LRRC8C: variants seen among roughly 807,000 people sequenced by gnomAD.
The protein encoded by LRRC8C is volume-regulated anion channel subunit LRRC8C.
In LRRC8C, 20 loss-of-function variants were observed where a neutral mutation model predicts 55.3. The ratio of observed to expected loss-of-function variants is 0.36; its 90% CI spans 0.25 to 0.53. LRRC8C has a LOEUF of 0.53. Among genes scored for constraint, LRRC8C ranks in the 20% least tolerant of loss-of-function variants. The pLI is 0.92. For synonymous variants in LRRC8C, 376 were observed against 360.7 expected (o/e 1.04, Z -0.48); for missense variants, 659 against 951.4 (o/e 0.69, Z 4.04).
chr1:89,618,270 C>T, the LRRC8C span, among the ~76,000 whole-genome samples: 1 of 152,186 alleles, frequency 6.6e-6, no homozygotes, highest in Non-Finnish European at 1.5e-5. Flanking sequence ...TTAGGGAATG[C>T]AGAGGGTTTT....
At chr1:89,676,681 A>G (rs1229791215) in intron 1 of LRRC8C, among the ~76,000 whole-genome samples, 1 of 152,262 alleles carries the variant, frequency 6.6e-6, no homozygotes, top group Non-Finnish European at 1.5e-5. Flanking sequence ...TTGAAGATAC[A>G]GAGATGAGAT....
intron 1 of LRRC8C, among the ~76,000 whole-genome samples, chr1:89,659,435 C>T (rs1268683566): frequency 6.6e-6 from 1 of 152,048 alleles, no homozygotes; most frequent in East Asian, 1.9e-4. Context: ...AAGATATTGA[C>T]CTTCCTAAGC....
Position 89,714,642 on chromosome 1 carries a change from C to G in LRRC8C, c.2072C>G (p.Ser691Trp). The G allele has an allele frequency of 6.2e-7, 1 of 1,614,110 alleles. No homozygotes were observed. The highest frequency in any genetic ancestry group is 2.2e-5 in the East Asian group (1 of 44,888). Reference sequence around the variant, plus strand: ...AACAAGATCCGATACTTGGACTTATCGTACAATGACATTCGATTTATCCCC... The same window carrying G: ...AACAAGATCCGATACTTGGACTTATGGTACAATGACATTCGATTTATCCCC... ...LCNKIRYLDL[S>W]YNDIRFIPPE... Residue 691 changes from serine to tryptophan, a missense_variant, in exon 3 of 3, where the codon TCG (serine) becomes TGG (tryptophan). Coordinates refer to ENST00000370454, the MANE Select transcript of LRRC8C (RefSeq NM_032270.5). This position sits in a 1 kb window ranked among gnomAD's most constrained non-coding sequence, Gnocchi z 4.6.
intron 1 of LRRC8C, among the ~76,000 whole-genome samples, chr1:89,663,835 G>A (rs965449118): frequency 6.6e-6 from 1 of 152,128 alleles, no homozygotes; most frequent in African/African-American, 2.4e-5. Context: ...GGTGTGAGAT[G>A]GTATCTCATT....
intron 2 of LRRC8C, 89 bp from the exon 3 acceptor site, chr1:89,712,620 T>C: frequency 5.8e-6 from 5 of 866,416 alleles, no homozygotes; most frequent in Non-Finnish European, 5.5e-6. Flanking sequence ...TGGACATTTA[T>C]TGGATGTTAC....
At chr1:89,679,124 A>G (rs1657632458) in intron 1 of LRRC8C, among the ~76,000 whole-genome samples, 1 of 152,184 alleles carries the variant, frequency 6.6e-6, no homozygotes. Context: ...TGTTCCAAAC[A>G]AGGGGGTCGG....
At chr1:89,638,374 G>A (rs1377971198) in intron 1 of LRRC8C, among the ~76,000 whole-genome samples, 2 of 152,026 alleles carry the variant, frequency 1.3e-5, no homozygotes, top group Non-Finnish European at 2.9e-5. Context: ...CAGATACACT[G>A]TGTATCTGTT....
chr1:89,640,356 C>T (rs1656420455), intron 1 of LRRC8C, among the ~76,000 whole-genome samples: 1 of 152,240 alleles, frequency 6.6e-6, no homozygotes, highest in African/African-American at 2.4e-5. Flanking sequence ...AGCCACTGCA[C>T]CCAGCCTCTC....
At chr1:89,654,049 A>G (rs1656866525) in intron 1 of LRRC8C, among the ~76,000 whole-genome samples, 2 of 152,190 alleles carry the variant, frequency 1.3e-5, no homozygotes, top group African/African-American at 4.8e-5. Context: ...ATATTATTCA[A>G]TATATATACA....
intron 1 of LRRC8C, among the ~76,000 whole-genome samples, chr1:89,679,130 G>T (rs1657632756): frequency 6.6e-6 from 1 of 152,132 alleles, no homozygotes; most frequent in African/African-American, 2.4e-5. Flanking sequence ...AAACAAGGGG[G>T]TCGGGGAGAA....
chr1:89,650,579 T>C (rs548871491), intron 1 of LRRC8C, among the ~76,000 whole-genome samples: 132 of 152,338 alleles, frequency 8.7e-4, no homozygotes, highest in African/African-American at 3.1e-3. Flanking sequence ...AAAGGATATA[T>C]TGCTCTACCT....
At chr1:89,617,262 T>C in the LRRC8C span, among the ~76,000 whole-genome samples, 1 of 152,356 alleles carries the variant, frequency 6.6e-6, no homozygotes, top group South Asian at 2.1e-4. Context: ...AACTAAGTGA[T>C]GAAGGACACT....
Position 89,717,605 on chromosome 1 carries a change from A to C in LRRC8C, c.*2623A>C, listed in dbSNP as rs1231722107. 1 of 152,142 alleles carries C rather than the reference A, an allele frequency of 6.6e-6. No individual in the cohort carries two copies. The highest frequency in any genetic ancestry group is 1.9e-4 in the East Asian group (1 of 5,202). 9.4% of individuals were successfully genotyped at this position (152,142 alleles called of 1,614,324 possible). A position where few individuals can be genotyped will look rare whatever the true frequency, so the allele number is the denominator to read the frequency against. On this transcript the variant is annotated 3_prime_UTR_variant, in exon 3 of 3. Transcript: ENST00000370454. ...TAAACCTTCAAAAGTCTGAAACTTA[A>C]TTTTGAGTCTAAATTTTCTGACACT... is the stretch of plus-strand genomic sequence containing the variant.
intron 1 of LRRC8C, among the ~76,000 whole-genome samples, chr1:89,645,688 A>T (rs1264691594): frequency 6.6e-6 from 1 of 152,122 alleles, no homozygotes; most frequent in Non-Finnish European, 1.5e-5. Flanking sequence ...TTTTTCTCAA[A>T]AAAGGACAAA....
chr1:89,714,025 G>T lies in LRRC8C; in HGVS notation c.1455G>T (p.Ala485=). 3 of 1,613,292 alleles carry T rather than the reference G, an allele frequency of 1.9e-6. No individual in the cohort carries two copies. Among genetic ancestry groups the T allele is most frequent in the Non-Finnish European group, 1.7e-6 (2 of 1,179,990 alleles). ...HQCSVKIHSA[A]LSFLKENLKV... is the part of the protein sequence containing the mutation. ...GTTCTGTCAAAATCCACAGTGCGGC[G>T]CTCTCTTTCCTGAAGGAAAACCTCA... The change falls in exon 3 of 3, where the codon GCG becomes GCT. Residue 485 remains alanine (A), a synonymous_variant. Transcript: ENST00000370454. This position sits in a 1 kb window ranked among gnomAD's most constrained non-coding sequence, Gnocchi z 4.6.
At chr1:89,693,646 C>CTTTTTTTTT (rs35427989) in intron 2 of LRRC8C, among the ~76,000 whole-genome samples, 2 of 82,692 alleles carry the variant, frequency 2.4e-5, no homozygotes, top group East Asian at 2.4e-4. Context: ...TCTTTTCTTC[C>CTTTTTTTTT]TTTTTTTTTT....
At chr1:89,626,588 G>A in the LRRC8C span, 2 of 152,148 alleles carry the variant, frequency 1.3e-5, no homozygotes, top group South Asian at 2.1e-4. Context: ...GGCCTACAGA[G>A]CTAGGAAAAG....
chr1:89,656,546 A>G (rs1656948873), intron 1 of LRRC8C, among the ~76,000 whole-genome samples: 2 of 152,148 alleles, frequency 1.3e-5, no homozygotes. Flanking sequence ...CAGGCATGTA[A>G]TTCAAGAATT....
the LRRC8C span, among the ~76,000 whole-genome samples, chr1:89,625,673 T>A: frequency 6.6e-6 from 1 of 152,200 alleles, no homozygotes; most frequent in Non-Finnish European, 1.5e-5. Context: ...AAAGAGAGAA[T>A]CATGTTTATG....
Sources: gnomAD v4.1 joint callset for allele counts (sites outside exome capture counted in the v4.1 genomes callset) on GRCh38, gnomAD v4.1.1 for gene constraint, Gnocchi (gnomAD v3.1) non-coding constraint, MANE v1.5 for transcripts, NCBI Gene and HGNC (gene_info 2026-07-23, HGNC 2026-07-21) for gene names.